Variants in ACSL1 observed in about 807,000 individuals in gnomAD.
ACSL1 encodes acyl-CoA synthetase long chain family member 1, also known as long-chain-fatty-acid--CoA ligase 1.
Under a neutral mutation model 98.4 loss-of-function variants are expected in ACSL1, and 41 were observed. The ratio of observed to expected loss-of-function variants is 0.42; its 90% CI spans 0.32 to 0.54. ACSL1 has a LOEUF of 0.54. Ranked by LOEUF, ACSL1 falls within the 20% of genes least tolerant of loss-of-function variation. The pLI is 0.13. For missense variants in ACSL1, 734 were observed against 883.1 expected, an observed-to-expected ratio of 0.83 and a Z score of 2.14; for synonymous variants, 316 against 322.7, an observed-to-expected ratio of 0.98 and a Z score of 0.22.
chr4:184,778,890 G>A, intron 5 of ACSL1, among the ~76,000 whole-genome samples: 1 of 151,900 alleles, frequency 6.6e-6, no homozygotes, highest in Middle Eastern at 3.2e-3. Context: ...TGTGGAGAAT[G>A]CTGTTTTCCC....
At chr4:184,817,653 T>C (rs1304671833) in intron 1 of ACSL1, among the ~76,000 whole-genome samples, 5 of 151,986 alleles carry the variant, frequency 3.3e-5, no homozygotes, top group Non-Finnish European at 7.4e-5. Context: ...AGAGGGACAG[T>C]GCCTGCAAAA....
intron 11 of ACSL1, among the ~76,000 whole-genome samples, chr4:184,769,627 C>A (rs555268277): frequency 6.6e-6 from 1 of 152,186 alleles, no homozygotes; most frequent in Non-Finnish European, 1.5e-5. Context: ...GGGATCTAAT[C>A]GCCTTCGATC....
At chr4:184,808,300 T>G (rs1469644959) in intron 1 of ACSL1, 22 of 985,082 alleles carry the variant, frequency 2.2e-5, no homozygotes, top group Non-Finnish European at 2.7e-5. Context: ...ACATTAACAT[T>G]GTATTCTCTT....
Position 184,755,654 on chromosome 4 carries a change from T to G in ACSL1, c.*1471A>C, listed in dbSNP as rs935078474. 1.3e-5 allele frequency: 2 copies of G among 152,696 alleles called. No homozygotes were observed. Among genetic ancestry groups the G allele is most frequent in the African/African-American group, 4.8e-5 (2 of 41,470 alleles). 9.5% of individuals were successfully genotyped at this position (152,696 alleles called of 1,614,324 possible). A position where few individuals can be genotyped will look rare whatever the true frequency, so the allele number is the denominator to read the frequency against. On this transcript the variant is annotated 3_prime_UTR_variant, in exon 21 of 21. Coordinates refer to ENST00000281455, the MANE Select transcript of ACSL1 (RefSeq NM_001995.5). ...CTTCATTGTTTTTGGAAATTTTGTT[T>G]TGGTTTATAAAACATAGAAATAGCC...
intron 1 of ACSL1, among the ~76,000 whole-genome samples, chr4:184,815,495 G>GA (rs1772549334): frequency 6.6e-6 from 1 of 152,110 alleles, no homozygotes; most frequent in Non-Finnish European, 1.5e-5. Flanking sequence ...GGCCTGGGGG[G>GA]GGAAACTGGG....
At chr4:184,762,254 A>T (rs961698302) in intron 17 of ACSL1, among the ~76,000 whole-genome samples, 153 bp downstream of exon 17, 3 of 152,228 alleles carry the variant, frequency 2.0e-5, no homozygotes, top group Non-Finnish European at 4.4e-5. Flanking sequence ...CCCTGCAGGA[A>T]ATGGAACAGT....
chr4:184,811,161 T>C (rs953656387), intron 1 of ACSL1, among the ~76,000 whole-genome samples: 3 of 152,076 alleles, frequency 2.0e-5, no homozygotes, highest in East Asian at 1.9e-4. Context: ...CAGGCTGGAG[T>C]GCAGTGGTGT....
intron 2 of ACSL1, among the ~76,000 whole-genome samples, chr4:184,800,913 C>A (rs1470007238): frequency 6.6e-6 from 1 of 152,184 alleles, no homozygotes; most frequent in Non-Finnish European, 1.5e-5. Context: ...AGTGCAGTGG[C>A]ACAGTCATAG....
chr4:184,810,730 T>TAGGAC (rs2150475346), intron 1 of ACSL1, among the ~76,000 whole-genome samples: 1 of 152,040 alleles, frequency 6.6e-6, no homozygotes, highest in African/African-American at 2.4e-5. Flanking sequence ...GCGGATAGGA[T>TAGGAC]AGGATAGGAT....
chr4:184,804,844 T>C (rs1286294639), intron 1 of ACSL1, among the ~76,000 whole-genome samples: 1 of 152,186 alleles, frequency 6.6e-6, no homozygotes, highest in Non-Finnish European at 1.5e-5. Flanking sequence ...CTACCAACGC[T>C]CTGTGATTCA....
At position 184,812,145 on chromosome 4, in the gene ACSL1, C is replaced by T. The variant is rs1381007389; in HGVS notation, c.-32-8599G>A. 8 of 977,448 alleles carry T rather than the reference C, an allele frequency of 8.2e-6. 1 individual carries two copies. Among genetic ancestry groups the T allele is most frequent in the Non-Finnish European group, 9.7e-6 (8 of 822,682 alleles). 60.5% of individuals were successfully genotyped at this position (977,448 alleles called of 1,614,324 possible). ...ACCCCTGTGTGGTACTTAGCACCTC[C>T]TGTCTTACACTTACAGCGAATGGTA... On this transcript the variant is annotated intron_variant, in intron 1 of 20. Coordinates refer to ENST00000281455, the MANE Select transcript of ACSL1 (RefSeq NM_001995.5).
intron 1 of ACSL1, among the ~76,000 whole-genome samples, chr4:184,804,098 G>C (rs1274087261): frequency 6.6e-6 from 1 of 152,176 alleles, no homozygotes; most frequent in Non-Finnish European, 1.5e-5. Flanking sequence ...GACAACAGTG[G>C]CAATATAAAT....
chr4:184,768,179 T>C, intron 12 of ACSL1, 137 bp downstream of exon 12: 1 of 901,788 alleles, frequency 1.1e-6, no homozygotes, highest in Non-Finnish European at 1.6e-6. Flanking sequence ...ACTTTACAGA[T>C]GAGTAAACTG....
chr4:184,758,044 G>A (rs183731076), intron 18 of ACSL1, 124 bp from the exon 19 acceptor site: 36 of 879,476 alleles, frequency 4.1e-5, no homozygotes, highest in Admixed American at 8.8e-5. Flanking sequence ...CATCTATTCA[G>A]AACATACTAC....
At chr4:184,788,207 C>G (rs1767732128) in intron 3 of ACSL1, among the ~76,000 whole-genome samples, 1 of 152,104 alleles carries the variant, frequency 6.6e-6, no homozygotes, top group African/African-American at 2.4e-5. Flanking sequence ...CAACATTTCC[C>G]AAGTATCTTT....
intron 7 of ACSL1, among the ~76,000 whole-genome samples, chr4:184,776,167 C>T (rs188479694): frequency 4.6e-5 from 7 of 152,350 alleles, no homozygotes; most frequent in African/African-American, 1.4e-4. Flanking sequence ...AAAGGAGACA[C>T]AGAAACTGAA....
chr4:184,803,574 G>A lies in ACSL1; in HGVS notation c.-32-28C>T, dbSNP rs568563089. 1,169 of 1,385,978 alleles carry A rather than the reference G, an allele frequency of 8.4e-4. 2 individuals are homozygous for A. Among genetic ancestry groups the A allele is most frequent in the Non-Finnish European group, 1.0e-3 (1,107 of 1,058,642 alleles). The allele number at this position is 1,385,978 out of a possible 1,614,324, so 85.9% of individuals were successfully genotyped here. On this transcript the variant is annotated intron_variant, in intron 1 of 20. Coordinates refer to ENST00000281455, the MANE Select transcript of ACSL1 (RefSeq NM_001995.5). This position sits in a 1 kb window ranked among gnomAD's most constrained non-coding sequence, Gnocchi z 4.8. The stretch of plus-strand genomic sequence containing the variant: ...GTTGGGAGAGAAAAATGTCACGTTC[G>A]TTCCAGGGAAGCAGGACCCCTCTCC...
At chr4:184,763,046 A>T (rs1410633105) in intron 16 of ACSL1, 121 bp downstream of exon 16, 4 of 991,912 alleles carry the variant, frequency 4.0e-6, no homozygotes, top group Admixed American at 2.8e-5. Flanking sequence ...AGACTCCAGG[A>T]TCACCAATGA....
At chr4:184,809,967 T>C (rs912120947) in intron 1 of ACSL1, among the ~76,000 whole-genome samples, 2 of 152,198 alleles carry the variant, frequency 1.3e-5, no homozygotes, top group African/African-American at 4.8e-5. Flanking sequence ...ACTGAAGTTG[T>C]TGAAATTGAA....
Sources: gnomAD v4.1 joint callset for allele counts (sites outside exome capture counted in the v4.1 genomes callset) on GRCh38, gnomAD v4.1.1 for gene constraint, Gnocchi (gnomAD v3.1) non-coding constraint, MANE v1.5 for transcripts, NCBI Gene and HGNC (gene_info 2026-07-23, HGNC 2026-07-21) for gene names.